Variants in RNF157 observed in about 807,000 individuals in gnomAD.
RNF157 encodes ring finger protein 157.
A neutral mutation model predicts 88.3 loss-of-function variants in RNF157; 55 were observed. That is an observed-to-expected ratio of 0.62 (90% CI 0.50 to 0.78). RNF157 has a LOEUF of 0.78. Ranked by LOEUF, RNF157 falls within the 30% of genes least tolerant of loss-of-function variation. RNF157 has a pLI of 0.00. For missense variants in RNF157, 788 were observed against 860.8 expected, an observed-to-expected ratio of 0.92 and a Z score of 1.06; for synonymous variants, 334 against 341.2, an observed-to-expected ratio of 0.98 and a Z score of 0.23.
chr17:76,222,008 TG>T (rs1386369917), intron 1 of RNF157, among the ~76,000 whole-genome samples: 1 of 151,596 alleles, frequency 6.6e-6, no homozygotes, highest in Admixed American at 6.6e-5. Context: ...TGCCAGGGGA[TG>T]GGGGCAGGGG....
At chr17:76,150,193 C>T (rs952318705) in intron 18 of RNF157, among the ~76,000 whole-genome samples, 2 of 152,038 alleles carry the variant, frequency 1.3e-5, no homozygotes, top group Non-Finnish European at 2.9e-5. Context: ...ATCTTGAGGC[C>T]TCTGGTGAGG....
chr17:76,230,898 G>A (rs1350500684), intron 1 of RNF157, among the ~76,000 whole-genome samples: 2 of 141,524 alleles, frequency 1.4e-5, no homozygotes, highest in Non-Finnish European at 3.0e-5. Flanking sequence ...GAGAGAAAGA[G>A]AGAGAGAGAG....
Position 76,195,038 on chromosome 17 carries a change from AG to A in RNF157, c.207+17325del, listed in dbSNP as rs1268707036. Among the ~76,000 whole-genome samples the A allele has an allele frequency of 1.3e-5, 2 of 152,090 alleles. No individual in the cohort carries two copies. The highest frequency in any genetic ancestry group is 2.9e-5 in the Non-Finnish European group (2 of 68,004). ...TCAAAAAAACAAAACAAAACACAAGAGCAGAGGGAATGGGAGAGGATATTAT... is the reference window on the plus strand; with the variant it reads ...TCAAAAAAACAAAACAAAACACAAGACAGAGGGAATGGGAGAGGATATTAT... On this transcript the variant is annotated intron_variant, in intron 2 of 18. Transcript: ENST00000269391. The surrounding 1 kb of genome is among the most constrained non-coding windows in gnomAD (Gnocchi z 4.4).
chr17:76,216,689 A>AAT (rs1183556252), intron 1 of RNF157, among the ~76,000 whole-genome samples: 4 of 152,078 alleles, frequency 2.6e-5, no homozygotes, highest in Non-Finnish European at 5.9e-5. Flanking sequence ...TGACATTAAA[A>AAT]ATGTTCACAA....
At chr17:76,233,094 G>C (rs2070222198) in intron 1 of RNF157, among the ~76,000 whole-genome samples, 1 of 151,958 alleles carries the variant, frequency 6.6e-6, no homozygotes, top group Admixed American at 6.6e-5. Context: ...CTAATTTTTT[G>C]TATTTTTAGC....
At chr17:76,201,524 A>G (rs1031581757) in intron 2 of RNF157, among the ~76,000 whole-genome samples, 1 of 152,116 alleles carries the variant, frequency 6.6e-6, no homozygotes, top group East Asian at 1.9e-4. Flanking sequence ...AAAAAAATAA[A>G]GAAAATTTTA....
chr17:76,237,390 C>G (rs1304034231), intron 1 of RNF157, among the ~76,000 whole-genome samples: 1 of 152,224 alleles, frequency 6.6e-6, no homozygotes, highest in Non-Finnish European at 1.5e-5. Context: ...ACTTAACACT[C>G]AAACTACAAG....
chr17:76,225,642 A>G, intron 1 of RNF157: 1 of 998,632 alleles, frequency 1.0e-6, no homozygotes, highest in Non-Finnish European at 1.4e-6. Context: ...CATTGTTTTT[A>G]GTGGCCAAAT....
intron 1 of RNF157, among the ~76,000 whole-genome samples, chr17:76,218,353 CT>C (rs1489902057): frequency 6.6e-6 from 1 of 152,170 alleles, no homozygotes; most frequent in African/African-American, 2.4e-5. Context: ...AAGGAATAAG[CT>C]TCCAGGCCAA....
At chr17:76,232,201 A>T (rs893927074) in intron 1 of RNF157, among the ~76,000 whole-genome samples, 4 of 152,136 alleles carry the variant, frequency 2.6e-5, no homozygotes, top group Non-Finnish European at 5.9e-5. Context: ...AGGGCAACGT[A>T]GTGGGACCCC....
intron 2 of RNF157, among the ~76,000 whole-genome samples, chr17:76,191,807 T>C (rs1390539054): frequency 6.6e-6 from 1 of 152,116 alleles, no homozygotes; most frequent in Admixed American, 6.6e-5. Flanking sequence ...AAAGTATATG[T>C]CTGATTAATT....
chr17:76,174,207 T>C (rs889178550), intron 2 of RNF157, among the ~76,000 whole-genome samples: 5 of 152,290 alleles, frequency 3.3e-5, no homozygotes, highest in African/African-American at 1.2e-4. Context: ...GGTGAGGCCA[T>C]GCGGTATCCC....
At chr17:76,226,640 G>A (rs2070092076) in intron 1 of RNF157, 22 of 1,612,668 alleles carry the variant, frequency 1.4e-5, no homozygotes, top group African/African-American at 4.0e-5. Context: ...GGAGGAGCCC[G>A]CCTTAGCCTT....
intron 2 of RNF157, among the ~76,000 whole-genome samples, chr17:76,196,886 C>T (rs915475560): frequency 6.6e-6 from 1 of 152,192 alleles, no homozygotes; most frequent in African/African-American, 2.4e-5. Flanking sequence ...AGCTGTACTC[C>T]AAAGCTTTCC....
At chr17:76,190,540 C>A (rs1333136742) in intron 2 of RNF157, among the ~76,000 whole-genome samples, 1 of 150,420 alleles carries the variant, frequency 6.6e-6, no homozygotes, top group Non-Finnish European at 1.5e-5. Flanking sequence ...GAAGTCAAAG[C>A]TGCAGTGAGC....
intron 18 of RNF157, chr17:76,147,327 C>T (rs2068600136): frequency 5.1e-6 from 5 of 985,998 alleles, no homozygotes; most frequent in African/African-American, 1.8e-5. Context: ...GTAGGAAAGA[C>T]CAAAAGCAAA....
intron 2 of RNF157, among the ~76,000 whole-genome samples, chr17:76,201,191 G>C (rs2069570153): frequency 6.6e-6 from 1 of 151,400 alleles, no homozygotes. Context: ...AAACAACATA[G>C]AAGAATATGA....
At chr17:76,227,027 G>A (rs1345249132) in intron 1 of RNF157, among the ~76,000 whole-genome samples, 1 of 152,230 alleles carries the variant, frequency 6.6e-6, no homozygotes, top group Admixed American at 6.5e-5. Flanking sequence ...CTGAGGGCGG[G>A]GAGGAGGGAA....
At chr17:76,149,759 C>T (rs912046148) in intron 18 of RNF157, among the ~76,000 whole-genome samples, 3 of 152,146 alleles carry the variant, frequency 2.0e-5, no homozygotes, top group East Asian at 1.9e-4. Context: ...CATGGCTGGG[C>T]GCAGTGGCTC....
Sources: allele counts gnomAD v4.1 joint callset (sites outside exome capture counted in the v4.1 genomes callset), GRCh38; gene constraint gnomAD v4.1.1; non-coding constraint Gnocchi (gnomAD v3.1); transcripts MANE v1.5; gene names NCBI Gene and HGNC (gene_info 2026-07-23, HGNC 2026-07-21).